RPS6KA2: variants seen among roughly 807,000 people sequenced by gnomAD.
RPS6KA2 encodes ribosomal protein S6 kinase alpha-2.
In RPS6KA2, 42 loss-of-function variants were observed where a neutral mutation model predicts 91.8. The ratio of observed to expected loss-of-function variants is 0.46; its 90% CI spans 0.36 to 0.59. RPS6KA2 has a LOEUF of 0.59. RPS6KA2 is among the 20% of genes least tolerant of loss of function. The pLI is 0.00. For missense variants in RPS6KA2, 798 were observed against 978.5 expected, an observed-to-expected ratio of 0.82 and a Z score of 2.46; for synonymous variants, 414 against 393.6, an observed-to-expected ratio of 1.05 and a Z score of -0.61.
intron 2 of RPS6KA2, among the ~76,000 whole-genome samples, chr6:166,739,001 C>A (rs1453476086): frequency 6.6e-6 from 1 of 152,152 alleles, no homozygotes; most frequent in Non-Finnish European, 1.5e-5. Context: ...ATGTGAACAA[C>A]TGAATACAAA....
intron 3 of RPS6KA2, among the ~76,000 whole-genome samples, chr6:166,517,470 T>G (rs1353092097): frequency 6.7e-5 from 4 of 59,944 alleles, no homozygotes; most frequent in East Asian, 9.1e-4. Context: ...TTTTTTTTTT[T>G]TTTTTTTTTT....
intron 1 of RPS6KA2, among the ~76,000 whole-genome samples, chr6:166,604,934 C>A (rs944729041): frequency 1.3e-5 from 2 of 151,920 alleles, no homozygotes; most frequent in African/African-American, 4.8e-5. Context: ...AGACTTAATC[C>A]AATTATATTA....
intron 2 of RPS6KA2, among the ~76,000 whole-genome samples, chr6:166,814,188 T>A (rs1037482447): frequency 6.6e-6 from 1 of 152,206 alleles, no homozygotes; most frequent in African/African-American, 2.4e-5. Flanking sequence ...TCAAAAAAAT[T>A]GTCTGTTAAA....
At chr6:166,699,510 G>A (rs1165089607) in intron 2 of RPS6KA2, among the ~76,000 whole-genome samples, 2 of 152,154 alleles carry the variant, frequency 1.3e-5, no homozygotes, top group African/African-American at 4.8e-5. Flanking sequence ...CTTGAAATAA[G>A]AATGAGGCAG....
intron 1 of RPS6KA2, among the ~76,000 whole-genome samples, chr6:166,589,012 C>T (rs1423450551): frequency 3.9e-5 from 6 of 152,148 alleles, no homozygotes; most frequent in African/African-American, 1.4e-4. Flanking sequence ...GGAGTGCCCC[C>T]GCAGAAAAGG....
intron 2 of RPS6KA2, among the ~76,000 whole-genome samples, chr6:166,768,572 T>C (rs2128605919): frequency 6.6e-6 from 1 of 152,242 alleles, no homozygotes; most frequent in Middle Eastern, 3.4e-3. Flanking sequence ...GAACATCAAC[T>C]TTTGTAGAGT....
Position 166,423,753 on chromosome 6 carries a change from T to C in RPS6KA2, c.1582-336A>G, listed in dbSNP as rs754893195. On this transcript the variant is annotated intron_variant, in intron 16 of 20. Transcript: ENST00000265678. The surrounding 1 kb of genome is among the most constrained non-coding windows in gnomAD (Gnocchi z 4.8). Reference sequence around the variant, plus strand: ...AAGGAAATGTGGTGAGCTCTGGAGATAGGAATGAAAAGCATTTTAAAGATG... The same window carrying C: ...AAGGAAATGTGGTGAGCTCTGGAGACAGGAATGAAAAGCATTTTAAAGATG... 18 of 216,094 alleles carry C rather than the reference T, an allele frequency of 8.3e-5. No homozygotes were observed. The highest frequency in any genetic ancestry group is 1.3e-4 in the Non-Finnish European group (14 of 109,406). 13.4% of individuals were successfully genotyped at this position (216,094 alleles called of 1,614,324 possible). A position where few individuals can be genotyped will look rare whatever the true frequency, so the allele number is the denominator to read the frequency against.
intron 2 of RPS6KA2, among the ~76,000 whole-genome samples, chr6:166,536,353 A>G (rs1028029703): frequency 2.6e-5 from 4 of 152,048 alleles, no homozygotes; most frequent in African/African-American, 9.7e-5. Context: ...AGGGAAGATG[A>G]CTCTTGCATA....
intron 2 of RPS6KA2, chr6:166,701,121 A>G: frequency 6.2e-7 from 1 of 1,611,806 alleles, no homozygotes; most frequent in Non-Finnish European, 8.5e-7. Context: ...GAGGTGGTCC[A>G]CTTTGCAGAG....
At chr6:166,509,956 C>T (rs1004527858) in intron 4 of RPS6KA2, among the ~76,000 whole-genome samples, 12 of 152,028 alleles carry the variant, frequency 7.9e-5, no homozygotes, top group African/African-American at 2.4e-4. Context: ...TAAAACAACA[C>T]AAAAATAAGT....
At chr6:166,681,699 C>CCCCCCA (rs1562380174) in intron 2 of RPS6KA2, among the ~76,000 whole-genome samples, 2 of 62,642 alleles carry the variant, frequency 3.2e-5, no homozygotes, top group African/African-American at 1.8e-4. Context: ...CGCCCCCCCC[C>CCCCCCA]CCGCCCCCGC....
chr6:166,722,707 A>G (rs1449769588), intron 2 of RPS6KA2, among the ~76,000 whole-genome samples: 2 of 152,202 alleles, frequency 1.3e-5, no homozygotes, highest in African/African-American at 4.8e-5. Context: ...CTCCAATCCC[A>G]TTCTCTGAAA....
At chr6:166,497,878 C>T (rs1309003311) in intron 8 of RPS6KA2, among the ~76,000 whole-genome samples, 1 of 152,206 alleles carries the variant, frequency 6.6e-6, no homozygotes, top group East Asian at 1.9e-4. Flanking sequence ...AATGCCACGA[C>T]CCGATTGTCA....
rs541040893 is a variant in RPS6KA2, at chr6:166,603,716, A to C, written c.99+23205T>G. Among the ~76,000 whole-genome samples, 4 of 152,324 alleles carry C rather than the reference A, an allele frequency of 2.6e-5. No individual in the cohort carries two copies. The highest frequency in any genetic ancestry group is 2.1e-4 in the South Asian group (1 of 4,828). ...CTCAAGTTAGACAAAGTTAACAGGC[A>C]CAGGAAGGATACTGAATATTGCGAG... On this transcript the variant is annotated intron_variant, in intron 1 of 20. Coordinates refer to ENST00000265678, the MANE Select transcript of RPS6KA2 (RefSeq NM_021135.6). This position sits in a 1 kb window ranked among gnomAD's most constrained non-coding sequence, Gnocchi z 4.3.
rs143307231 is a variant in RPS6KA2 at position 166,609,019 on chromosome 6, G to A, written c.99+17902C>T. 4.6e-5 allele frequency among the ~76,000 whole-genome samples: 7 copies of A among 152,270 alleles called. No homozygotes were observed. The East Asian group carries it at 1.2e-3, about 25-fold the overall frequency. On this transcript the variant is annotated intron_variant, in intron 1 of 20. Coordinates refer to ENST00000265678, the MANE Select transcript of RPS6KA2 (RefSeq NM_021135.6). ...CCCAGTTCAACCCCATCTCCACTGC[G>A]GTTTGGAAAATTGTCAGGCCTGAGA...
Position 166,554,895 on chromosome 6 carries a change from G to A in RPS6KA2, c.100-16111C>T, listed in dbSNP as rs1784133312. 6.6e-6 allele frequency among the ~76,000 whole-genome samples: 1 copy of A among 152,160 alleles called. No homozygotes were observed. Among genetic ancestry groups the A allele is most frequent in the Non-Finnish European group, 1.5e-5 (1 of 68,036 alleles). The stretch of plus-strand genomic sequence containing the variant: ...TCTCCAGTTTTACAAAGGTCAATTG[G>A]TAATTTACAAAACCTGATTTTGAGA... On this transcript the variant is annotated intron_variant, in intron 1 of 20. Coordinates refer to ENST00000265678, the MANE Select transcript of RPS6KA2 (RefSeq NM_021135.6). This position sits in a 1 kb window ranked among gnomAD's most constrained non-coding sequence, Gnocchi z 4.3.
At chr6:166,440,887 G>A (rs898903757) in intron 14 of RPS6KA2, among the ~76,000 whole-genome samples, 2 of 152,174 alleles carry the variant, frequency 1.3e-5, no homozygotes, top group Admixed American at 6.5e-5. Context: ...TGGGGAAAAC[G>A]GGCAAAGGGT....
chr6:166,577,488 G>A (rs1201063440), intron 1 of RPS6KA2, among the ~76,000 whole-genome samples: 6 of 152,210 alleles, frequency 3.9e-5, no homozygotes, highest in Non-Finnish European at 2.9e-5. Flanking sequence ...ACCCGGAAGT[G>A]AGATGTGGAG....
chr6:166,651,145 C>T (rs1787843025), intron 2 of RPS6KA2, among the ~76,000 whole-genome samples: 1 of 152,126 alleles, frequency 6.6e-6, no homozygotes, highest in Non-Finnish European at 1.5e-5. Context: ...TAGATAAGAA[C>T]CCAGATTTCT....
Sources: gnomAD v4.1 joint callset for allele counts (sites outside exome capture counted in the v4.1 genomes callset) on GRCh38, gnomAD v4.1.1 for gene constraint, Gnocchi (gnomAD v3.1) non-coding constraint, MANE v1.5 for transcripts, NCBI Gene and HGNC (gene_info 2026-07-23, HGNC 2026-07-21) for gene names.